The following ERBB4 variants were observed in gnomAD, a reference collection of about 807,000 sequenced individuals.
ERBB4 encodes erb-b2 receptor tyrosine kinase 4.
A neutral mutation model predicts 158.0 loss-of-function variants in ERBB4; 42 were observed. The ratio of observed to expected loss-of-function variants is 0.27; its 90% CI spans 0.21 to 0.34. The LOEUF is 0.34. Ranked by LOEUF, ERBB4 falls within the 10% of genes least tolerant of loss-of-function variation. The pLI is 1.00. For synonymous variants in ERBB4, 583 were observed against 558.7 expected, an observed-to-expected ratio of 1.04 and a Z score of -0.61; for missense variants, 1,333 against 1,624.1, an observed-to-expected ratio of 0.82 and a Z score of 3.08.
chr2:212,080,987 C>A (rs9973713), intron 2 of ERBB4, among the ~76,000 whole-genome samples: 2 of 152,018 alleles, frequency 1.3e-5, no homozygotes, highest in East Asian at 3.9e-4. Context: ...AGAGAGCACG[C>A]TGTCAACCTT....
intron 16 of ERBB4, among the ~76,000 whole-genome samples, chr2:211,640,317 G>A (rs757115908): frequency 5.9e-5 from 9 of 152,096 alleles, no homozygotes; most frequent in Non-Finnish European, 1.2e-4. Context: ...TCGGGGAGTT[G>A]GTGGCCTTGC....
At chr2:211,870,137 T>C (rs944035257) in intron 3 of ERBB4, among the ~76,000 whole-genome samples, 43 of 152,160 alleles carry the variant, frequency 2.8e-4, no homozygotes, top group Admixed American at 1.5e-3. Context: ...TTTTGTAAAC[T>C]TTTAATTTGA....
intron 3 of ERBB4, among the ~76,000 whole-genome samples, chr2:211,809,003 C>T (rs2076686009): frequency 6.6e-6 from 1 of 152,148 alleles, no homozygotes; most frequent in Non-Finnish European, 1.5e-5. Context: ...GCTGAAGTTG[C>T]CTAACAGCTT....
chr2:211,632,767 A>T (rs1001344318), intron 16 of ERBB4, among the ~76,000 whole-genome samples: 10 of 152,048 alleles, frequency 6.6e-5, no homozygotes, highest in African/African-American at 2.4e-4. Context: ...AGACATTCAA[A>T]AACTCAAGAC....
At chr2:211,856,165 C>T (rs1366087347) in intron 3 of ERBB4, among the ~76,000 whole-genome samples, 3 of 151,994 alleles carry the variant, frequency 2.0e-5, no homozygotes, top group South Asian at 2.1e-4. Flanking sequence ...TCAGTTTTAA[C>T]CTTGGTTTAA....
intron 3 of ERBB4, among the ~76,000 whole-genome samples, chr2:211,880,537 GA>G (rs938864312): frequency 4.6e-5 from 7 of 151,956 alleles, no homozygotes; most frequent in African/African-American, 1.4e-4. Flanking sequence ...TGTGTATCAT[GA>G]AAAAAACTAT....
At chr2:211,665,512 A>G (rs377450900) in intron 14 of ERBB4, 35 bp from the exon 15 acceptor site, 42 of 1,605,208 alleles carry the variant, frequency 2.6e-5, no homozygotes, top group Admixed American at 2.5e-4. Context: ...AGAAAAAAGA[A>G]AAGTGGTGTC....
chr2:211,399,988 A>G (rs944528740), intron 25 of ERBB4, among the ~76,000 whole-genome samples: 1 of 152,164 alleles, frequency 6.6e-6, no homozygotes, highest in Non-Finnish European at 1.5e-5. Flanking sequence ...AAAATTTTCA[A>G]AAAGTATTTT....
chr2:212,323,335 ATTCT>A (rs1418553757), intron 1 of ERBB4, among the ~76,000 whole-genome samples: 11 of 150,582 alleles, frequency 7.3e-5, no homozygotes, highest in African/African-American at 2.7e-4. Flanking sequence ...TATTTTTCTA[ATTCT>A]GATTTTTATC....
intron 19 of ERBB4, among the ~76,000 whole-genome samples, chr2:211,606,201 T>C (rs893469628): frequency 6.6e-6 from 1 of 152,120 alleles, no homozygotes; most frequent in African/African-American, 2.4e-5. Flanking sequence ...GGGAAGTCTT[T>C]TGCTTCATTT....
At chr2:211,608,255 G>A (rs1487798503) in intron 19 of ERBB4, among the ~76,000 whole-genome samples, 1 of 152,158 alleles carries the variant, frequency 6.6e-6, no homozygotes, top group African/African-American at 2.4e-5. Context: ...GCGGGCAGCT[G>A]AAGGAAATCA....
At chr2:212,212,899 C>A (rs1374493750) in intron 1 of ERBB4, among the ~76,000 whole-genome samples, 1 of 152,030 alleles carries the variant, frequency 6.6e-6, no homozygotes, top group African/African-American at 2.4e-5. Flanking sequence ...CTTCCTTATG[C>A]CTTATACAAA....
chr2:211,710,396 G>A (rs2073651096), intron 9 of ERBB4, among the ~76,000 whole-genome samples: 2 of 152,036 alleles, frequency 1.3e-5, no homozygotes, highest in African/African-American at 2.4e-5. Flanking sequence ...GTCAAATTGT[G>A]GGTATATTGC....
chr2:211,533,636 C>T (rs990152399), intron 20 of ERBB4, among the ~76,000 whole-genome samples: 7 of 152,096 alleles, frequency 4.6e-5, no homozygotes, highest in African/African-American at 4.8e-5. Context: ...GAACAGACAA[C>T]ATTTTTTTTA....
chr2:212,504,218 T>C (rs1358921899), intron 1 of ERBB4, among the ~76,000 whole-genome samples: 2 of 152,202 alleles, frequency 1.3e-5, no homozygotes, highest in African/African-American at 4.8e-5. Flanking sequence ...ACATAAGCCA[T>C]AGATTGCTAT....
chr2:212,472,099 A>T (rs1481992693), intron 1 of ERBB4, among the ~76,000 whole-genome samples: 1 of 151,928 alleles, frequency 6.6e-6, no homozygotes, highest in Non-Finnish European at 1.5e-5. Context: ...CACGTCATCA[A>T]TCAAATATGT....
intron 20 of ERBB4, among the ~76,000 whole-genome samples, chr2:211,523,273 T>C (rs987177407): frequency 2.1e-5 from 3 of 145,500 alleles, no homozygotes; most frequent in African/African-American, 7.6e-5. Context: ...CAGCCTTGAA[T>C]TGCCAATGCA....
intron 1 of ERBB4, among the ~76,000 whole-genome samples, chr2:212,135,773 T>G (rs1299785205): frequency 6.6e-6 from 1 of 152,226 alleles, no homozygotes; most frequent in Non-Finnish European, 1.5e-5. Flanking sequence ...TCATTTCCTG[T>G]GAAAGTGCTA....
intron 1 of ERBB4, among the ~76,000 whole-genome samples, chr2:212,398,975 G>A (rs927039912): frequency 2.0e-5 from 3 of 151,694 alleles, no homozygotes; most frequent in Admixed American, 6.6e-5. Flanking sequence ...ACGGAGTCTC[G>A]CTCTGTTGCC....
Sources: allele counts gnomAD v4.1 joint callset (sites outside exome capture counted in the v4.1 genomes callset), GRCh38; gene constraint gnomAD v4.1.1; transcripts MANE v1.5; gene names NCBI Gene and HGNC (gene_info 2026-07-23, HGNC 2026-07-21).